The following LHFPL6 variants were observed in gnomAD, a reference collection of about 807,000 sequenced individuals.
LHFPL6 encodes the protein LHFPL tetraspan subfamily member 6, also known as LHFPL tetraspan subfamily member 6 protein.
A neutral mutation model predicts 20.6 loss-of-function variants in LHFPL6; 9 were observed. That is an observed-to-expected ratio of 0.44 (90% confidence interval 0.26 to 0.76). LHFPL6 has a LOEUF of 0.76. LHFPL6 is among the 30% of genes least tolerant of loss of function. The pLI is 0.20. For synonymous variants in LHFPL6, 105 were observed against 98.7 expected (o/e 1.06, Z -0.38); for missense variants, 218 against 253.5 (o/e 0.86, Z 0.95).
chr13:39,413,585 GTT>G (rs10549523), intron 2 of LHFPL6, among the ~76,000 whole-genome samples: 112,385 of 144,944 alleles, frequency 0.78, 44,194 homozygotes, highest in South Asian at 0.93. Flanking sequence ...CAACCGACTA[GTT>G]TTTTTTTTTT....
At chr13:39,571,000 T>C (rs9576867) in intron 2 of LHFPL6, among the ~76,000 whole-genome samples, 13,571 of 152,216 alleles carry the variant, frequency 0.089, 701 homozygotes, top group East Asian at 0.23. Flanking sequence ...CACTACTAGA[T>C]TGAAAGTGTG....
At chr13:39,391,080 TA>T (rs1870697809) in intron 2 of LHFPL6, among the ~76,000 whole-genome samples, 1 of 152,198 alleles carries the variant, frequency 6.6e-6, no homozygotes, top group Non-Finnish European at 1.5e-5. Context: ...GCCTCAGTAC[TA>T]ATGAAAATAA....
intron 2 of LHFPL6, among the ~76,000 whole-genome samples, chr13:39,511,466 TAAA>T (rs67885553): frequency 3.8e-4 from 54 of 140,840 alleles, no homozygotes; most frequent in South Asian, 8.9e-4. Flanking sequence ...TTTAAATTCT[TAAA>T]AAAAAAAAAA....
rs1303508116 is a variant in LHFPL6 at position 39,479,110 on chromosome 13, TATCC to T, written c.386-100588_386-100585del. ...AGACATAGGTTGATCTCTACCTATCTATCCATCCATCTATCTATCTATCTATCTA... is the reference window on the plus strand; with the variant it reads ...AGACATAGGTTGATCTCTACCTATCTATCCATCTATCTATCTATCTATCTA... On this transcript the variant is annotated intron_variant, in intron 2 of 3. Coordinates refer to ENST00000379589, the MANE Select transcript of LHFPL6 (RefSeq NM_005780.3). Among the ~76,000 whole-genome samples, 42 of 131,084 alleles carry T rather than the reference TATCC, an allele frequency of 3.2e-4. 1 individual carries two copies. The South Asian group carries it at 7.5e-3, about 24-fold the overall frequency. The allele number at this position is 131,084 out of a possible 152,430, so 86.0% of individuals were successfully genotyped here.
At chr13:39,344,273 G>A (rs1026153718) in intron 3 of LHFPL6, among the ~76,000 whole-genome samples, 5 of 152,096 alleles carry the variant, frequency 3.3e-5, no homozygotes, top group South Asian at 2.1e-4. Flanking sequence ...CCTCTCACAC[G>A]GGCTAAGAGA....
At chr13:39,453,484 T>C (rs975422848) in intron 2 of LHFPL6, among the ~76,000 whole-genome samples, 2 of 152,214 alleles carry the variant, frequency 1.3e-5, no homozygotes, top group Admixed American at 6.5e-5. Flanking sequence ...ATAAAATACT[T>C]TGTGTCATGT....
intron 2 of LHFPL6, among the ~76,000 whole-genome samples, chr13:39,564,534 C>T (rs9532399): frequency 0.34 from 51,756 of 151,922 alleles, 9,952 homozygotes; most frequent in Non-Finnish European, 0.43. Context: ...ATGCACCACC[C>T]GTAGCCACCA....
intron 2 of LHFPL6, among the ~76,000 whole-genome samples, chr13:39,570,140 T>C (rs1871868123): frequency 6.6e-6 from 1 of 152,194 alleles, no homozygotes; most frequent in Non-Finnish European, 1.5e-5. Flanking sequence ...AAATTTATTT[T>C]ATTGTATTTA....
At chr13:39,536,207 C>T (rs9315699) in intron 2 of LHFPL6, among the ~76,000 whole-genome samples, 6,069 of 152,260 alleles carry the variant, frequency 0.04, 316 homozygotes, top group African/African-American at 0.12. Context: ...CAAGGCACCA[C>T]TCTTTGACAT....
intron 2 of LHFPL6, among the ~76,000 whole-genome samples, chr13:39,586,393 T>C (rs1442680427): frequency 6.6e-6 from 1 of 152,162 alleles, no homozygotes; most frequent in East Asian, 1.9e-4. Context: ...ATGCACATTG[T>C]AACACTGTAT....
chr13:39,358,965 G>A (rs919935039), intron 3 of LHFPL6, among the ~76,000 whole-genome samples: 4 of 152,176 alleles, frequency 2.6e-5, no homozygotes, highest in Admixed American at 1.3e-4. Context: ...AAGGTCAGGA[G>A]TTCTAGAACA....
intron 2 of LHFPL6, among the ~76,000 whole-genome samples, chr13:39,531,266 T>C (rs1027745650): frequency 2.0e-5 from 3 of 152,176 alleles, no homozygotes; most frequent in Non-Finnish European, 4.4e-5. Context: ...CTGAATATAT[T>C]GCATGTCATT....
chr13:39,388,829 G>A lies in LHFPL6; in HGVS notation c.386-10303C>T, dbSNP rs565654355. On this transcript the variant is annotated intron_variant, in intron 2 of 3. Coordinates refer to ENST00000379589, the MANE Select transcript of LHFPL6 (RefSeq NM_005780.3). ...GAATGCCATCCCCAGCCACCTCCAA[G>A]CCTTCCCCTGACATCTGTACAGATC... 3.3e-5 allele frequency among the ~76,000 whole-genome samples: 5 copies of A among 152,260 alleles called. No homozygotes were observed. In the South Asian group the frequency reaches 1.0e-3, roughly 32 times the overall value.
chr13:39,416,750 T>C (rs1871359364), intron 2 of LHFPL6, among the ~76,000 whole-genome samples: 1 of 152,206 alleles, frequency 6.6e-6, no homozygotes, highest in African/African-American at 2.4e-5. Flanking sequence ...TTTTTAAACA[T>C]TTATAATTCT....
At chr13:39,367,473 G>A (rs112348093) in intron 3 of LHFPL6, among the ~76,000 whole-genome samples, 4 of 152,282 alleles carry the variant, frequency 2.6e-5, no homozygotes, top group African/African-American at 7.2e-5. Flanking sequence ...GCAGAGGTGC[G>A]TTTCTGTATA....
intron 2 of LHFPL6, among the ~76,000 whole-genome samples, chr13:39,495,779 A>ATTTTTTTTT (rs10558170): frequency 2.2e-5 from 2 of 89,542 alleles, no homozygotes; most frequent in Non-Finnish European, 4.4e-5. Flanking sequence ...TAACTCAATA[A>ATTTTTTTTT]TTTTTTTTTT....
chr13:39,393,621 C>G (rs1430050374), intron 2 of LHFPL6, among the ~76,000 whole-genome samples: 4 of 152,112 alleles, frequency 2.6e-5, no homozygotes, highest in African/African-American at 9.7e-5. Context: ...CAATGACCCT[C>G]GCAGAAGGTC....
chr13:39,398,872 T>C (rs1489721581), intron 2 of LHFPL6, among the ~76,000 whole-genome samples: 2 of 152,220 alleles, frequency 1.3e-5, no homozygotes, highest in Non-Finnish European at 2.9e-5. Flanking sequence ...TAATGCCTAA[T>C]GATCTGAGAT....
chr13:39,479,688 A>G (rs1186436428), intron 2 of LHFPL6, among the ~76,000 whole-genome samples: 4 of 152,214 alleles, frequency 2.6e-5, no homozygotes, highest in Non-Finnish European at 4.4e-5. Context: ...AAATATAATA[A>G]TGAGTAAAAT....
Sources: allele counts gnomAD v4.1 joint callset (sites outside exome capture counted in the v4.1 genomes callset), GRCh38; gene constraint gnomAD v4.1.1; transcripts MANE v1.5; gene names NCBI Gene and HGNC (gene_info 2026-07-23, HGNC 2026-07-21).